RASGRF2: variants seen among roughly 807,000 people sequenced by gnomAD.
The protein encoded by RASGRF2 is ras-specific guanine nucleotide-releasing factor 2.
RASGRF2 carries 76 observed loss-of-function variants against 151.0 expected under a neutral mutation model. The observed-to-expected ratio is 0.50, with a 90% confidence interval of 0.42 to 0.61. RASGRF2 has a LOEUF of 0.61. Ranked by LOEUF, RASGRF2 falls within the 20% of genes least tolerant of loss-of-function variation. The probability of loss-of-function intolerance (pLI) is 0.00; values close to 1 mark genes in which losing one functional copy is unlikely to be tolerated. For synonymous variants in RASGRF2, 504 were observed against 566.5 expected, an observed-to-expected ratio of 0.89 and a Z score of 1.57; for missense variants, 1,148 against 1,564.6, an observed-to-expected ratio of 0.73 and a Z score of 4.49.
chr5:80,995,578 C>G (rs1748819054), intron 1 of RASGRF2, among the ~76,000 whole-genome samples: 1 of 151,260 alleles, frequency 6.6e-6, no homozygotes, highest in African/African-American at 2.4e-5. Flanking sequence ...CCCACTCTTT[C>G]TCATTTCTAA....
chr5:81,120,159 T>C lies in RASGRF2; in HGVS notation c.2471-3483T>C, dbSNP rs1265958584. Among the ~76,000 whole-genome samples, 3 of 152,218 alleles carry C rather than the reference T, an allele frequency of 2.0e-5. No homozygotes were observed. The East Asian group carries it at 5.8e-4, about 29-fold the overall frequency. ...CCTTCCATTAAGCCACTTCTTTGCA[T>C]CTTTATTTCTTTTCCCTTTCTATAG... On this transcript the variant is annotated intron_variant, in intron 15 of 26. Transcript: ENST00000265080.
At chr5:81,193,564 G>A (rs538178457) in intron 18 of RASGRF2, among the ~76,000 whole-genome samples, 2 of 151,914 alleles carry the variant, frequency 1.3e-5, no homozygotes, top group Admixed American at 1.3e-4. Context: ...CACCCAGGCT[G>A]GAGTGCAATG....
intron 2 of RASGRF2, among the ~76,000 whole-genome samples, chr5:81,048,028 A>C (rs1418356610): frequency 6.6e-6 from 1 of 152,228 alleles, no homozygotes; most frequent in Admixed American, 6.5e-5. Context: ...TGTGTATATC[A>C]TATCCTCCCC....
At chr5:81,160,289 C>T (rs575976362) in intron 17 of RASGRF2, among the ~76,000 whole-genome samples, 4 of 152,034 alleles carry the variant, frequency 2.6e-5, no homozygotes, top group South Asian at 2.1e-4. Context: ...GGCATGGTGG[C>T]GCACGCCTGT....
In RASGRF2 at chr5:81,206,474, G is replaced by A. The variant is rs79338186; in HGVS notation, c.2907-371G>A. On this transcript the variant is annotated intron_variant, in intron 19 of 26. Transcript: ENST00000265080. ...AGGGGATAGAGGTGTGGGGAGGAGG[G>A]CACTCAGGCCTAGGAGTCCAACTGG... Among the ~76,000 whole-genome samples the A allele has an allele frequency of 3.3e-5, 5 of 152,260 alleles. No individual in the cohort carries two copies. In the East Asian group the frequency reaches 9.7e-4, roughly 29 times the overall value.
intron 1 of RASGRF2, among the ~76,000 whole-genome samples, chr5:81,023,391 A>T (rs540124513): frequency 8.9e-4 from 135 of 152,314 alleles, no homozygotes; most frequent in Non-Finnish European, 1.5e-3. Flanking sequence ...AAGGTTACAG[A>T]ATACCATCCA....
At chr5:81,144,526 A>C (rs1179454203) in intron 17 of RASGRF2, among the ~76,000 whole-genome samples, 3 of 152,208 alleles carry the variant, frequency 2.0e-5, no homozygotes, top group Non-Finnish European at 4.4e-5. Context: ...AATACATAGC[A>C]GTTATGGGTC....
intron 2 of RASGRF2, among the ~76,000 whole-genome samples, chr5:81,047,183 G>C (rs1019658106): frequency 1.3e-5 from 2 of 152,166 alleles, no homozygotes; most frequent in African/African-American, 4.8e-5. Context: ...GGCAATTTCT[G>C]CTGGAAATTG....
At position 81,225,806 on chromosome 5, in the gene RASGRF2, A is replaced by G. The variant is rs188314043; in HGVS notation, c.*36A>G. ...TTGCCCCTGAGTCCACGGGATGTTC[A>G]TGGAAAGCAGGACAGACAGAATTGT... On this transcript the variant is annotated 3_prime_UTR_variant, in exon 27 of 27. Coordinates refer to ENST00000265080, the MANE Select transcript of RASGRF2 (RefSeq NM_006909.3). 3 of 1,602,262 alleles carry G rather than the reference A, an allele frequency of 1.9e-6. No homozygotes were observed. Among genetic ancestry groups the G allele is most frequent in the Admixed American group, 1.8e-5 (1 of 56,414 alleles).
chr5:81,089,465 G>A (rs549824852), intron 9 of RASGRF2, among the ~76,000 whole-genome samples: 72 of 152,270 alleles, frequency 4.7e-4, no homozygotes, highest in African/African-American at 1.6e-3. Flanking sequence ...AAAGGCATCA[G>A]CAACTCTTGA....
intron 17 of RASGRF2, among the ~76,000 whole-genome samples, chr5:81,148,396 G>T (rs751175082): frequency 3.9e-5 from 6 of 152,126 alleles, no homozygotes; most frequent in Non-Finnish European, 7.4e-5. Context: ...ATATAAGAAA[G>T]CTCTGAGAAC....
chr5:81,101,549 T>A (rs914463646), intron 12 of RASGRF2, among the ~76,000 whole-genome samples: 7 of 152,066 alleles, frequency 4.6e-5, no homozygotes, highest in African/African-American at 1.7e-4. Flanking sequence ...GAACTCATTT[T>A]GAAAACCATT....
At chr5:81,071,169 T>C (rs926607127) in intron 4 of RASGRF2, among the ~76,000 whole-genome samples, 2 of 152,242 alleles carry the variant, frequency 1.3e-5, no homozygotes, top group African/African-American at 2.4e-5. Flanking sequence ...TCCTATGATC[T>C]TGATTGTCTT....
chr5:81,067,977 A>G, intron 2 of RASGRF2, 55 bp from the exon 3 acceptor site: 1 of 1,406,666 alleles, frequency 7.1e-7, no homozygotes, highest in Non-Finnish European at 9.5e-7. Flanking sequence ...TTCTATATGG[A>G]ACTCTATATA....
intron 1 of RASGRF2, among the ~76,000 whole-genome samples, chr5:81,031,807 A>G (rs902896469): frequency 3.9e-5 from 6 of 152,228 alleles, no homozygotes; most frequent in Non-Finnish European, 8.8e-5. Flanking sequence ...ATCAGAGCAG[A>G]ACTGAAGGAG....
chr5:80,966,537 T>A (rs1747729821), intron 1 of RASGRF2, among the ~76,000 whole-genome samples: 1 of 152,204 alleles, frequency 6.6e-6, no homozygotes, highest in South Asian at 2.1e-4. Flanking sequence ...GTGCAACTTT[T>A]AAATTTTAGC....
intron 4 of RASGRF2, 145 bp downstream of exon 4, chr5:81,070,726 C>T (rs1256561067): frequency 3.2e-6 from 2 of 632,320 alleles, no homozygotes; most frequent in African/African-American, 3.7e-5. Context: ...GCAGAGTGAT[C>T]CAGACATGGC....
At chr5:81,190,969 G>C (rs920321575) in intron 18 of RASGRF2, among the ~76,000 whole-genome samples, 2 of 152,146 alleles carry the variant, frequency 1.3e-5, no homozygotes, top group African/African-American at 2.4e-5. Context: ...GTTTTCTGAT[G>C]CAAGTGCCAT....
intron 17 of RASGRF2, among the ~76,000 whole-genome samples, chr5:81,131,676 A>C (rs1335704604): frequency 4.0e-5 from 6 of 148,746 alleles, no homozygotes; most frequent in Non-Finnish European, 8.9e-5. Context: ...TTCTTCCTTT[A>C]AAAGAAAAGA....
Sources: gnomAD v4.1 joint callset for allele counts (sites outside exome capture counted in the v4.1 genomes callset) on GRCh38, gnomAD v4.1.1 for gene constraint, MANE v1.5 for transcripts, NCBI Gene and HGNC (gene_info 2026-07-23, HGNC 2026-07-21) for gene names.